Variants in VAV2 observed in about 807,000 individuals in gnomAD.
VAV2 encodes guanine nucleotide exchange factor VAV2.
A neutral mutation model predicts 132.5 loss-of-function variants in VAV2; 67 were observed. The ratio of observed to expected loss-of-function variants is 0.51; its 90% CI spans 0.42 to 0.62. VAV2 has a LOEUF of 0.62. Ranked by LOEUF, VAV2 falls within the 20% of genes least tolerant of loss-of-function variation. The pLI, the probability that VAV2 is intolerant of heterozygous loss-of-function variation, is 0.00. For synonymous variants in VAV2, 492 were observed against 443.5 expected (o/e 1.11, Z -1.37); for missense variants, 938 against 1,153.6 (o/e 0.81, Z 2.71).
intron 4 of VAV2, among the ~76,000 whole-genome samples, chr9:133,818,260 A>G (rs1348701869): frequency 1.3e-5 from 2 of 151,800 alleles, no homozygotes; most frequent in Admixed American, 6.6e-5. Context: ...CAGCTACTCA[A>G]GAGGCTGAGG....
chr9:133,837,525 C>T (rs1432780982), intron 3 of VAV2, among the ~76,000 whole-genome samples: 5 of 151,960 alleles, frequency 3.3e-5, no homozygotes, highest in Admixed American at 6.6e-5. Context: ...GGTGAAACCC[C>T]GTCTCTACTA....
intron 1 of VAV2, among the ~76,000 whole-genome samples, chr9:133,939,954 G>A (rs974333229): frequency 6.6e-6 from 1 of 152,232 alleles, no homozygotes; most frequent in African/African-American, 2.4e-5. Flanking sequence ...CCCTCACTGC[G>A]CCTGACGTGC....
At chr9:133,827,826 T>C (rs373724369) in intron 4 of VAV2, among the ~76,000 whole-genome samples, 30 of 146 alleles carry the variant, frequency 0.21, 13 homozygotes, top group South Asian at 1. Context: ...GACCACTGAG[T>C]GGGGGCATCA....
intron 3 of VAV2, among the ~76,000 whole-genome samples, chr9:133,850,362 G>A (rs916170645): frequency 1.1e-4 from 17 of 152,174 alleles, no homozygotes; most frequent in African/African-American, 3.1e-4. Context: ...CCAGTGGCCC[G>A]GTGTCCACTC....
chr9:133,787,209 T>A (rs775957623), intron 16 of VAV2, 37 bp downstream of exon 16: 4 of 1,550,600 alleles, frequency 2.6e-6, no homozygotes. Flanking sequence ...CTGGGATGAT[T>A]GAGGCAGGTG....
Position 133,768,229 on chromosome 9 carries a change from G to T in VAV2, c.2589+213C>A, listed in dbSNP as rs140306957. On this transcript the variant is annotated intron_variant, in intron 29 of 29. Transcript: ENST00000371850. The surrounding 1 kb of genome is among the most constrained non-coding windows in gnomAD (Gnocchi z 5.3). ...AGACCTCTGTAGCCGATTTCTGGCT[G>T]TGTGACCTTGGGTTCGTGGTAAACA... is the stretch of plus-strand genomic sequence containing the variant. Among the ~76,000 whole-genome samples the T allele has an allele frequency of 2.6e-3, 397 of 152,320 alleles. No homozygotes were observed. Among genetic ancestry groups the T allele is most frequent in the Middle Eastern group, 0.01 (3 of 294 alleles).
At chr9:133,796,385 C>G (rs1421295031) in intron 11 of VAV2, 44 bp downstream of exon 11, 1 of 1,569,672 alleles carries the variant, frequency 6.4e-7, no homozygotes, top group South Asian at 1.1e-5. Flanking sequence ...TCATCTGACT[C>G]CAGCAGTGAT....
Position 133,818,290 on chromosome 9 carries a change from T to C in VAV2, c.450-6074A>G, listed in dbSNP as rs905506637. ...CTGAGGCAGGAGAATGGCGTGAACC[T>C]GGGAGGCAGAGCTTGCAGTGAGGTG... is the stretch of plus-strand genomic sequence containing the variant. On this transcript the variant is annotated intron_variant, in intron 4 of 29. Coordinates refer to ENST00000371850, the MANE Select transcript of VAV2 (RefSeq NM_001134398.2). Among the ~76,000 whole-genome samples the C allele has an allele frequency of 2.0e-5, 3 of 146,620 alleles. No individual in the cohort carries two copies. In the South Asian group the frequency reaches 6.4e-4, roughly 31 times the overall value.
Position 133,826,327 on chromosome 9 carries a change from G to A in VAV2, c.449+7945C>T, listed in dbSNP as rs559846777. On this transcript the variant is annotated intron_variant, in intron 4 of 29. Transcript: ENST00000371850. This position sits in a 1 kb window ranked among gnomAD's most constrained non-coding sequence, Gnocchi z 4.2. ...GCTGCAGCCTCACATCCAAGCCCTC[G>A]CCCAGAGCCCTGGCCCCAGAATCTC... 6.6e-5 allele frequency among the ~76,000 whole-genome samples: 10 copies of A among 152,254 alleles called. No individual in the cohort carries two copies. Among genetic ancestry groups the A allele is most frequent in the South Asian group, 6.2e-4 (3 of 4,832 alleles).
Position 133,809,062 on chromosome 9 carries a change from C to T in VAV2, c.644G>A (p.Arg215His), listed in dbSNP as rs750925866. 1.6e-5 allele frequency: 26 copies of T among 1,613,820 alleles called. No individual in the cohort carries two copies. Among genetic ancestry groups the T allele is most frequent in the South Asian group, 1.4e-4 (13 of 91,066 alleles). Residue 215 changes from arginine to histidine, a missense_variant, in exon 7 of 30, where the codon CGC (arginine) becomes CAC (histidine). Physicochemically the swap from Arg to His is conservative, Grantham distance 29 (BLOSUM62 0). Coordinates refer to ENST00000371850, the MANE Select transcript of VAV2 (RefSeq NM_001134398.2). ...CACCTTCTCAATGTCCTCCAGGGTG[C>T]GGTAGTACTTGGCCTCGGTCTCCTG... Reference protein sequence around the residue: ...EIQETEAKYYRTLEDIEKNYM... With the variant: ...EIQETEAKYYHTLEDIEKNYM...
chr9:133,797,545 C>A (rs1358778034), intron 10 of VAV2, among the ~76,000 whole-genome samples, 165 bp downstream of exon 10: 1 of 152,196 alleles, frequency 6.6e-6, no homozygotes, highest in Non-Finnish European at 1.5e-5. Context: ...ACTCCCCAAC[C>A]CAACACAATG....
rs1376920937 is a variant in VAV2 at position 133,961,474 on chromosome 9, C to T, written c.205-22255G>A. Among the ~76,000 whole-genome samples the T allele has an allele frequency of 6.6e-6, 1 of 152,178 alleles. No individual in the cohort carries two copies. The highest frequency in any genetic ancestry group is 1.9e-4 in the East Asian group (1 of 5,174). ...AGGGCCCTGGAATCCCCTTCTCCAA[C>T]CCAGTCGGGTTTCAGTGACCCAAGG... is the stretch of plus-strand genomic sequence containing the variant. On this transcript the variant is annotated intron_variant, in intron 1 of 29. Coordinates refer to ENST00000371850, the MANE Select transcript of VAV2 (RefSeq NM_001134398.2). The surrounding 1 kb of genome is among the most constrained non-coding windows in gnomAD (Gnocchi z 4.1).
At chr9:133,844,791 C>A (rs924523711) in intron 3 of VAV2, among the ~76,000 whole-genome samples, 1 of 152,214 alleles carries the variant, frequency 6.6e-6, no homozygotes, top group African/African-American at 2.4e-5. Context: ...GCAGACACGA[C>A]AGGTCTGATT....
At chr9:133,856,694 C>T (rs1588274986) in intron 3 of VAV2, among the ~76,000 whole-genome samples, 1 of 152,126 alleles carries the variant, frequency 6.6e-6, no homozygotes, top group Admixed American at 6.5e-5. Flanking sequence ...GTCAAGGTAT[C>T]GAGGGGCTGG....
At chr9:133,817,450 C>G (rs1260882535) in intron 4 of VAV2, among the ~76,000 whole-genome samples, 1 of 151,790 alleles carries the variant, frequency 6.6e-6, no homozygotes, top group Non-Finnish European at 1.5e-5. Flanking sequence ...GTCAGGAGTT[C>G]GAGGCCAGCC....
At chr9:133,877,349 C>A (rs186935819) in intron 2 of VAV2, among the ~76,000 whole-genome samples, 2 of 152,162 alleles carry the variant, frequency 1.3e-5, no homozygotes, top group South Asian at 4.1e-4. Context: ...ACTGGCCAGG[C>A]GGACAAGCCC....
chr9:133,825,589 C>T (rs969945695), intron 4 of VAV2, among the ~76,000 whole-genome samples: 6 of 152,198 alleles, frequency 3.9e-5, no homozygotes, highest in Non-Finnish European at 5.9e-5. Flanking sequence ...CTCCACAACG[C>T]GGACCTCCCA....
chr9:133,947,634 G>A (rs1313557476), intron 1 of VAV2, among the ~76,000 whole-genome samples: 4 of 151,514 alleles, frequency 2.6e-5, no homozygotes, highest in South Asian at 4.2e-4. Context: ...GGGAGGTGGA[G>A]GTTGCAGTGA....
intron 2 of VAV2, among the ~76,000 whole-genome samples, chr9:133,933,905 G>GATGGATGGATGGGTGC (rs1421906884): frequency 7.0e-6 from 1 of 142,186 alleles, no homozygotes; most frequent in African/African-American, 2.6e-5. Flanking sequence ...TGGATGGGTG[G>GATGGATGGATGGGTGC]ATGGATGGAT....
Sources: allele counts gnomAD v4.1 joint callset (sites outside exome capture counted in the v4.1 genomes callset), GRCh38; gene constraint gnomAD v4.1.1; non-coding constraint Gnocchi (gnomAD v3.1); transcripts MANE v1.5; gene names NCBI Gene and HGNC (gene_info 2026-07-23, HGNC 2026-07-21).